The following INPP4B variants were observed in gnomAD, a reference collection of about 807,000 sequenced individuals.
The protein encoded by INPP4B is inositol polyphosphate 4-phosphatase type II.
A neutral mutation model predicts 122.5 loss-of-function variants in INPP4B; 55 were observed. The ratio of observed to expected loss-of-function variants is 0.45; its 90% CI spans 0.36 to 0.56. The LOEUF (loss-of-function observed/expected upper bound fraction) is 0.56, where lower values mean the gene tolerates loss of function less well. INPP4B is among the 20% of genes least tolerant of loss of function. The pLI is 0.00. For missense variants in INPP4B, 1,000 were observed against 1,097.7 expected (o/e 0.91, Z 1.26); for synonymous variants, 403 against 388.7 (o/e 1.04, Z -0.43).
chr4:142,380,303 T>C (rs1793631504), intron 7 of INPP4B, among the ~76,000 whole-genome samples: 1 of 152,194 alleles, frequency 6.6e-6, no homozygotes, highest in Admixed American at 6.5e-5. Flanking sequence ...CAAATGGCTG[T>C]CACTTTCTTC....
At chr4:142,075,112 A>G (rs1329395742) in intron 25 of INPP4B, among the ~76,000 whole-genome samples, 1 of 152,016 alleles carries the variant, frequency 6.6e-6, no homozygotes, top group Non-Finnish European at 1.5e-5. Context: ...GTAAGTCCTC[A>G]TTGACTATTA....
chr4:142,052,950 C>T (rs763543470), intron 25 of INPP4B, among the ~76,000 whole-genome samples: 69 of 151,992 alleles, frequency 4.5e-4, no homozygotes, highest in Non-Finnish European at 7.2e-4. Flanking sequence ...TTCCAGCCTT[C>T]AGGGCTCAAA....
At chr4:142,049,306 TG>T (rs1394038719) in intron 25 of INPP4B, among the ~76,000 whole-genome samples, 2 of 152,110 alleles carry the variant, frequency 1.3e-5, no homozygotes, top group Non-Finnish European at 2.9e-5. Context: ...TTGTTGGTTT[TG>T]TTCTATGTAA....
At chr4:142,092,361 G>C (rs1479428012) in intron 23 of INPP4B, among the ~76,000 whole-genome samples, 1 of 152,014 alleles carries the variant, frequency 6.6e-6, no homozygotes, top group Non-Finnish European at 1.5e-5. Context: ...TGTGACCTCG[G>C]CTCACTGCAA....
intron 7 of INPP4B, among the ~76,000 whole-genome samples, chr4:142,338,128 C>G (rs1344807731): frequency 6.6e-6 from 1 of 152,180 alleles, no homozygotes; most frequent in Non-Finnish European, 1.5e-5. Flanking sequence ...TTCCCTTACA[C>G]AGAACCCCTA....
intron 18 of INPP4B, among the ~76,000 whole-genome samples, chr4:142,137,471 A>G (rs1284803615): frequency 2.9e-5 from 2 of 68,684 alleles, no homozygotes; most frequent in African/African-American, 3.1e-5. Flanking sequence ...GGACATAGGC[A>G]TGGGCAAGGA....
chr4:142,149,349 C>CA (rs914925526), intron 17 of INPP4B, among the ~76,000 whole-genome samples: 2 of 152,084 alleles, frequency 1.3e-5, no homozygotes, highest in African/African-American at 4.8e-5. Flanking sequence ...ATTTAATGTT[C>CA]AAAAGCCACC....
At chr4:142,140,914 T>A (rs562564571) in intron 18 of INPP4B, among the ~76,000 whole-genome samples, 1 of 152,222 alleles carries the variant, frequency 6.6e-6, no homozygotes, top group African/African-American at 2.4e-5. Context: ...AGTAGGGAGG[T>A]GGTCCTCCTG....
At chr4:142,229,131 CATTTA>C (rs976931911) in intron 12 of INPP4B, among the ~76,000 whole-genome samples, 164 of 151,288 alleles carry the variant, frequency 1.1e-3, no homozygotes, top group African/African-American at 3.6e-3. Flanking sequence ...AGGTTTTCTA[CATTTA>C]ATTTATTTAT....
chr4:142,826,674 A>G (rs1371141344), intron 1 of INPP4B, among the ~76,000 whole-genome samples: 1 of 151,774 alleles, frequency 6.6e-6, no homozygotes, highest in Non-Finnish European at 1.5e-5. Flanking sequence ...GTTCTTTTCA[A>G]CTGCTGTTTC....
chr4:142,144,588 A>T (rs935846598), intron 18 of INPP4B, among the ~76,000 whole-genome samples: 2 of 152,126 alleles, frequency 1.3e-5, no homozygotes, highest in Non-Finnish European at 2.9e-5. Context: ...GACAAGATTC[A>T]TTAACTAATA....
At chr4:142,113,990 A>T (rs10029467) in intron 21 of INPP4B, among the ~76,000 whole-genome samples, 20,119 of 151,956 alleles carry the variant, frequency 0.13, 1,504 homozygotes, top group East Asian at 0.23. Context: ...AGAAAGCCAC[A>T]CATCTATTTT....
At chr4:142,796,798 A>G (rs1000241526) in intron 1 of INPP4B, among the ~76,000 whole-genome samples, 5 of 151,808 alleles carry the variant, frequency 3.3e-5, no homozygotes, top group African/African-American at 4.8e-5. Flanking sequence ...GTTGACATTT[A>G]CAAGACCTAT....
intron 7 of INPP4B, among the ~76,000 whole-genome samples, chr4:142,364,146 A>G (rs1482763646): frequency 1.3e-5 from 2 of 152,034 alleles, no homozygotes; most frequent in Non-Finnish European, 2.9e-5. Flanking sequence ...CTTCAATAGG[A>G]CTTCTCCTTT....
intron 10 of INPP4B, among the ~76,000 whole-genome samples, chr4:142,268,309 C>G (rs192474602): frequency 4.9e-3 from 47 of 9,620 alleles, no homozygotes; most frequent in African/African-American, 7.1e-3. Flanking sequence ...GGTGACAGAG[C>G]AAGACTCCGT....
intron 25 of INPP4B, among the ~76,000 whole-genome samples, chr4:142,047,594 G>A (rs112174761): frequency 2.0e-5 from 3 of 152,090 alleles, no homozygotes; most frequent in African/African-American, 7.2e-5. Flanking sequence ...GAGATTATGT[G>A]CAGAACAATT....
intron 5 of INPP4B, among the ~76,000 whole-genome samples, chr4:142,425,562 A>G (rs567271458): frequency 2.6e-5 from 4 of 152,080 alleles, no homozygotes; most frequent in African/African-American, 9.6e-5. Context: ...TGTCTAGTAT[A>G]GCTTGTCCCC....
chr4:142,436,856 C>G (rs1580059223), intron 3 of INPP4B, among the ~76,000 whole-genome samples: 1 of 151,472 alleles, frequency 6.6e-6, no homozygotes, highest in South Asian at 2.1e-4. Context: ...TGCCTCTTCT[C>G]CTCCAAATGA....
At chr4:142,217,756 A>G (rs1162705600) in intron 12 of INPP4B, among the ~76,000 whole-genome samples, 1 of 152,176 alleles carries the variant, frequency 6.6e-6, no homozygotes, top group Admixed American at 6.5e-5. Flanking sequence ...GGTAGCCTCA[A>G]TAAGGCCCAC....
Sources: allele counts gnomAD v4.1 joint callset (sites outside exome capture counted in the v4.1 genomes callset), GRCh38; gene constraint gnomAD v4.1.1; transcripts MANE v1.5; gene names NCBI Gene and HGNC (gene_info 2026-07-23, HGNC 2026-07-21).